The following LRRN2 variants were observed in gnomAD, a reference collection of about 807,000 sequenced individuals.
LRRN2 encodes leucine-rich repeat neuronal protein 2.
In LRRN2, 10 loss-of-function variants were observed where a neutral mutation model predicts 35.7. That is an observed-to-expected ratio of 0.28 (90% CI 0.17 to 0.47). LRRN2 has a LOEUF of 0.47. Among genes scored for constraint, LRRN2 ranks in the 20% least tolerant of loss-of-function variants. The pLI is 0.99. For synonymous variants in LRRN2, 391 were observed against 409.6 expected (o/e 0.95, Z 0.55); for missense variants, 731 against 940.3 (o/e 0.78, Z 2.91).
At chr1:204,682,832 CAG>C (rs1473183782) in intron 1 of LRRN2, 2 of 152,186 alleles carry the variant, frequency 1.3e-5, no homozygotes, top group Non-Finnish European at 2.9e-5. Context: ...AGAGGTCACT[CAG>C]TGTGATAATT....
chr1:204,642,021 G>A (rs976297685), intron 1 of LRRN2, among the ~76,000 whole-genome samples: 1 of 152,190 alleles, frequency 6.6e-6, no homozygotes, highest in African/African-American at 2.4e-5. Context: ...TGTGTTAGGG[G>A]AGGTGGCAGG....
Position 204,622,513 on chromosome 1 carries a change from G to A in LRRN2, c.-226-2295C>T, listed in dbSNP as rs542533177. On this transcript the variant is annotated intron_variant, in intron 1 of 1. Coordinates refer to ENST00000367177, the MANE Select transcript of LRRN2 (RefSeq NM_201630.2). ...GTTTTGATAGGGGTGTGTGTGCACC[G>A]ACACGTAAAACTCAGTGTGAACAAA... is the stretch of plus-strand genomic sequence containing the variant. Among the ~76,000 whole-genome samples the A allele has an allele frequency of 8.5e-5, 13 of 152,292 alleles. No homozygotes were observed. In the South Asian group the frequency reaches 1.5e-3, roughly 17 times the overall value.
At chr1:204,667,742 G>A (rs1999157) in intron 1 of LRRN2, among the ~76,000 whole-genome samples, 96,624 of 152,012 alleles carry the variant, frequency 0.64, 34,574 homozygotes, top group Non-Finnish European at 0.79. Context: ...AGTCAGCCAG[G>A]AGAGGAGACT....
intron 1 of LRRN2, among the ~76,000 whole-genome samples, chr1:204,669,605 T>G (rs1668664072): frequency 6.6e-6 from 1 of 152,232 alleles, no homozygotes; most frequent in African/African-American, 2.4e-5. Context: ...AGGGATGCTT[T>G]TCTAAGGAAG....
At chr1:204,651,833 C>A (rs1668231195) in intron 1 of LRRN2, among the ~76,000 whole-genome samples, 1 of 152,202 alleles carries the variant, frequency 6.6e-6, no homozygotes, top group African/African-American at 2.4e-5. Context: ...GGTGAGAACT[C>A]CCAGCCCTCC....
intron 1 of LRRN2, among the ~76,000 whole-genome samples, chr1:204,669,670 G>T (rs1274856122): frequency 6.6e-6 from 1 of 152,194 alleles, no homozygotes; most frequent in Non-Finnish European, 1.5e-5. Flanking sequence ...GAGAAGGAAG[G>T]GATGGGAAGA....
chr1:204,627,737 T>C (rs911148778), intron 1 of LRRN2, among the ~76,000 whole-genome samples: 1 of 152,224 alleles, frequency 6.6e-6, no homozygotes, highest in Admixed American at 6.5e-5. Flanking sequence ...CTTTTGCTGA[T>C]CCTCAGGGAA....
At chr1:204,665,307 C>T (rs1189974533) in intron 1 of LRRN2, among the ~76,000 whole-genome samples, 2 of 152,076 alleles carry the variant, frequency 1.3e-5, no homozygotes, top group Admixed American at 1.3e-4. Flanking sequence ...TCTCATTTTT[C>T]CTTTTTATTT....
chr1:204,666,520 G>A (rs565783343), intron 1 of LRRN2, among the ~76,000 whole-genome samples: 2 of 152,324 alleles, frequency 1.3e-5, no homozygotes, highest in East Asian at 1.9e-4. Context: ...CTTGCAAAAC[G>A]AGGTAATGCC....
At chr1:204,643,595 G>A (rs1668032693) in intron 1 of LRRN2, among the ~76,000 whole-genome samples, 1 of 152,098 alleles carries the variant, frequency 6.6e-6, no homozygotes, top group South Asian at 2.1e-4. Flanking sequence ...TCATGACAGG[G>A]AGTGTGTGCC....
intron 1 of LRRN2, among the ~76,000 whole-genome samples, chr1:204,680,339 T>G (rs1459707987): frequency 6.6e-6 from 1 of 152,232 alleles, no homozygotes. Flanking sequence ...AAACAGTTAT[T>G]GCCCCAGGAA....
chr1:204,671,653 A>AT (rs1668715673), intron 1 of LRRN2, among the ~76,000 whole-genome samples: 1 of 147,018 alleles, frequency 6.8e-6, no homozygotes, highest in Non-Finnish European at 1.5e-5. Flanking sequence ...AAAAAAAAAA[A>AT]AAAAAAAAAA....
intron 1 of LRRN2, among the ~76,000 whole-genome samples, chr1:204,637,073 A>G (rs1667851544): frequency 6.6e-6 from 1 of 152,200 alleles, no homozygotes; most frequent in Non-Finnish European, 1.5e-5. Context: ...AATAAGGTTA[A>G]TGGTAGAGTC....
intron 1 of LRRN2, among the ~76,000 whole-genome samples, chr1:204,671,641 G>T (rs536385067): frequency 9.9e-5 from 3 of 30,400 alleles, no homozygotes; most frequent in Admixed American, 7.2e-4. Flanking sequence ...GTAATTGATG[G>T]TAAAAAAAAA....
intron 1 of LRRN2, among the ~76,000 whole-genome samples, chr1:204,637,175 C>T (rs1401576375): frequency 6.6e-6 from 1 of 151,980 alleles, no homozygotes; most frequent in Non-Finnish European, 1.5e-5. Flanking sequence ...GGGGAAAATC[C>T]CCAAATGGTT....
intron 1 of LRRN2, among the ~76,000 whole-genome samples, chr1:204,639,416 T>C (rs1221480724): frequency 6.6e-6 from 1 of 151,984 alleles, no homozygotes; most frequent in African/African-American, 2.4e-5. Flanking sequence ...GGAGGATCAC[T>C]TGAGGCCAGG....
At chr1:204,652,200 C>T (rs1013936569) in intron 1 of LRRN2, among the ~76,000 whole-genome samples, 2 of 151,824 alleles carry the variant, frequency 1.3e-5, no homozygotes, top group Non-Finnish European at 2.9e-5. Context: ...GACGGAAAAA[C>T]GGAGATGGGC....
At chr1:204,631,882 A>G (rs952485907) in intron 1 of LRRN2, among the ~76,000 whole-genome samples, 1 of 152,142 alleles carries the variant, frequency 6.6e-6, no homozygotes, top group African/African-American at 2.4e-5. Context: ...CAGAGGCAGA[A>G]TGGTCTGGAC....
At chr1:204,671,403 T>TTGTGTGTGTGTGTGTG (rs60084787) in intron 1 of LRRN2, among the ~76,000 whole-genome samples, 5 of 122,878 alleles carry the variant, frequency 4.1e-5, no homozygotes, top group African/African-American at 8.9e-5. Flanking sequence ...GTTTGTGTGT[T>TTGTGTGTGTGTGTGTG]TGTGTGTGTG....
Sources: allele counts gnomAD v4.1 joint callset (sites outside exome capture counted in the v4.1 genomes callset), GRCh38; gene constraint gnomAD v4.1.1; transcripts MANE v1.5; gene names NCBI Gene and HGNC (gene_info 2026-07-23, HGNC 2026-07-21).